CDIN1: variants seen among roughly 807,000 people sequenced by gnomAD.
CDIN1 encodes CDAN1 interacting nuclease 1, also known as CDAN1-interacting nuclease 1.
In CDIN1, 33 loss-of-function variants were observed where a neutral mutation model predicts 45.3. That is an observed-to-expected ratio of 0.73 (90% confidence interval 0.55 to 0.97). The LOEUF (loss-of-function observed/expected upper bound fraction) is 0.97. Ranked by LOEUF, CDIN1 falls within the 50% of genes least tolerant of loss-of-function variation. CDIN1 has a pLI of 0.00. For synonymous variants in CDIN1, 118 were observed against 124.4 expected (o/e 0.95, Z 0.34); for missense variants, 303 against 339.4 (o/e 0.89, Z 0.84).
chr15:36,795,717 T>C (rs2054777939), intron 10 of CDIN1, among the ~76,000 whole-genome samples: 1 of 151,784 alleles, frequency 6.6e-6, no homozygotes, highest in South Asian at 2.1e-4. Context: ...ATTTATTATT[T>C]TTATTTATAT....
intron 10 of CDIN1, among the ~76,000 whole-genome samples, chr15:36,777,975 T>C (rs142669758): frequency 6.6e-6 from 1 of 152,356 alleles, no homozygotes; most frequent in East Asian, 1.9e-4. Flanking sequence ...CTGGAATTGG[T>C]AGCCTCTGAA....
intron 10 of CDIN1, among the ~76,000 whole-genome samples, chr15:36,805,998 T>C (rs1030692268): frequency 1.3e-5 from 2 of 152,320 alleles, no homozygotes; most frequent in East Asian, 1.9e-4. Context: ...TTGAGCTACA[T>C]TGACAGAGGT....
intron 10 of CDIN1, among the ~76,000 whole-genome samples, chr15:36,767,843 G>A (rs2053966287): frequency 6.6e-6 from 1 of 152,176 alleles, no homozygotes; most frequent in African/African-American, 2.4e-5. Context: ...GTAAAAGGAG[G>A]CTGATCCAAT....
chr15:36,733,714 A>G (rs1050657848), intron 10 of CDIN1, among the ~76,000 whole-genome samples: 1 of 152,138 alleles, frequency 6.6e-6, no homozygotes, highest in African/African-American at 2.4e-5. Flanking sequence ...TGCTCTTGTA[A>G]CAACTATGAG....
intron 1 of CDIN1, among the ~76,000 whole-genome samples, chr15:36,620,454 C>T (rs1245780962): frequency 6.6e-6 from 1 of 152,160 alleles, no homozygotes; most frequent in Non-Finnish European, 1.5e-5. Context: ...CCCTGTGATT[C>T]CCCCTGCTAA....
chr15:36,639,269 A>G (rs559637473), intron 1 of CDIN1, among the ~76,000 whole-genome samples: 2 of 152,276 alleles, frequency 1.3e-5, no homozygotes, highest in East Asian at 3.9e-4. Flanking sequence ...TTGGGGAAAA[A>G]AAAAGCAATA....
chr15:36,807,493 A>G (rs2055268855), intron 10 of CDIN1, among the ~76,000 whole-genome samples: 1 of 152,168 alleles, frequency 6.6e-6, no homozygotes, highest in Non-Finnish European at 1.5e-5. Flanking sequence ...TAGTGATTAC[A>G]TCTTTATGAA....
chr15:36,608,194 T>C (rs1290000189), intron 1 of CDIN1, among the ~76,000 whole-genome samples: 1 of 152,234 alleles, frequency 6.6e-6, no homozygotes, highest in Non-Finnish European at 1.5e-5. Flanking sequence ...CTTGGATAGA[T>C]ACCTTGGAGC....
In CDIN1 at chr15:36,617,825, G is replaced by C. The variant is rs560015565; in HGVS notation, c.102-26453G>C. On this transcript the variant is annotated intron_variant, in intron 1 of 10. Coordinates refer to ENST00000566621, the MANE Select transcript of CDIN1 (RefSeq NM_001321759.2). ...GTATATCACTTTCCAGTCAGACACA[G>C]ATACACAAAAGGCTTTTAAATCCTT... The C allele has an allele frequency of 2.3e-5, 18 of 793,314 alleles. No individual in the cohort carries two copies. The African/African-American group carries it at 3.1e-4, about 13-fold the overall frequency. The allele number at this position is 793,314 out of a possible 1,614,324, so 49.1% of individuals were successfully genotyped here.
rs186097214 is a variant in CDIN1 at position 36,599,436 on chromosome 15, G to A, written c.101+19475G>A. Reference sequence around the variant, plus strand: ...GTAAGGGTAATCAAAATAAATCACAGGAGGTGAATAAATATTTTCTAGTGC... The same window carrying A: ...GTAAGGGTAATCAAAATAAATCACAAGAGGTGAATAAATATTTTCTAGTGC... On this transcript the variant is annotated intron_variant, in intron 1 of 10. Coordinates refer to ENST00000566621, the MANE Select transcript of CDIN1 (RefSeq NM_001321759.2). 2.7e-4 allele frequency among the ~76,000 whole-genome samples: 41 copies of A among 152,286 alleles called. No homozygotes were observed. The East Asian group carries it at 6.9e-3, about 26-fold the overall frequency.
rs150100955 is a variant in CDIN1, at chr15:36,805,293, G to A, written c.717-3031G>A. 4.4e-4 allele frequency among the ~76,000 whole-genome samples: 67 copies of A among 152,204 alleles called. 1 individual carries two copies. Among genetic ancestry groups the A allele is most frequent in the African/African-American group, 1.3e-3 (54 of 41,522 alleles). On this transcript the variant is annotated intron_variant, in intron 10 of 10. Coordinates refer to ENST00000566621, the MANE Select transcript of CDIN1 (RefSeq NM_001321759.2). The stretch of plus-strand genomic sequence containing the variant: ...GTTTCCAGAATCAATTCAGATGTCC[G>A]TGGACACCCATTCCTGAGGGTCTCC...
intron 10 of CDIN1, among the ~76,000 whole-genome samples, chr15:36,762,918 G>C (rs931832292): frequency 6.6e-6 from 1 of 152,072 alleles, no homozygotes; most frequent in Non-Finnish European, 1.5e-5. Flanking sequence ...TTGGTTCCAA[G>C]TCTTTGCTAT....
At chr15:36,793,363 A>G (rs1429734400) in intron 10 of CDIN1, among the ~76,000 whole-genome samples, 2 of 152,090 alleles carry the variant, frequency 1.3e-5, no homozygotes, top group Non-Finnish European at 2.9e-5. Flanking sequence ...GAGCATTACA[A>G]GCTGACAAGA....
At chr15:36,686,554 T>C (rs2042054630) in intron 5 of CDIN1, among the ~76,000 whole-genome samples, 1 of 142,172 alleles carries the variant, frequency 7.0e-6, no homozygotes, top group Non-Finnish European at 1.5e-5. Context: ...AAACTTAAAG[T>C]ATAATAATAA....
chr15:36,642,119 T>TA (rs1337476982), intron 1 of CDIN1, among the ~76,000 whole-genome samples: 1 of 152,208 alleles, frequency 6.6e-6, no homozygotes, highest in Non-Finnish European at 1.5e-5. Context: ...ACCTGCCCAG[T>TA]ATTTCCCTCC....
chr15:36,795,576 C>T (rs2054773007), intron 10 of CDIN1, among the ~76,000 whole-genome samples: 1 of 152,140 alleles, frequency 6.6e-6, no homozygotes, highest in Non-Finnish European at 1.5e-5. Context: ...TTATTAACAA[C>T]AGAAACTTAT....
At chr15:36,673,395 A>G (rs377023517) in intron 5 of CDIN1, among the ~76,000 whole-genome samples, 18 of 152,204 alleles carry the variant, frequency 1.2e-4, no homozygotes, top group Admixed American at 8.5e-4. Flanking sequence ...TTGCAGTTCA[A>G]TGAGTTGTGT....
intron 10 of CDIN1, chr15:36,798,972 A>G (rs1363515426): frequency 6.6e-6 from 1 of 152,186 alleles, no homozygotes; most frequent in Non-Finnish European, 1.5e-5. Context: ...GGCCTTGCCA[A>G]CTCCATGATC....
chr15:36,662,787 G>A (rs917551680), intron 5 of CDIN1, among the ~76,000 whole-genome samples: 6 of 150,810 alleles, frequency 4.0e-5, no homozygotes, highest in African/African-American at 1.5e-4. Context: ...TGTATCATGT[G>A]TGTACGTAAC....
Sources: allele counts gnomAD v4.1 joint callset (sites outside exome capture counted in the v4.1 genomes callset), GRCh38; gene constraint gnomAD v4.1.1; transcripts MANE v1.5; gene names NCBI Gene and HGNC (gene_info 2026-07-23, HGNC 2026-07-21).